WASHC5: variants seen among roughly 807,000 people sequenced by gnomAD.
WASHC5 encodes the protein WASH complex subunit strumpellin.
Under a neutral mutation model 150.4 loss-of-function variants are expected in WASHC5, and 101 were observed. The observed-to-expected ratio is 0.67, with a 90% confidence interval of 0.57 to 0.79. WASHC5 has a LOEUF of 0.79. WASHC5 is among the 30% of genes least tolerant of loss of function. The pLI is 0.00. For missense variants in WASHC5, 1,195 were observed against 1,396.3 expected (o/e 0.86, Z 2.30); for synonymous variants, 467 against 491.2 (o/e 0.95, Z 0.65).
intron 28 of WASHC5, among the ~76,000 whole-genome samples, chr8:125,025,750 T>A (rs1365046252): frequency 6.6e-6 from 1 of 151,990 alleles, no homozygotes; most frequent in Admixed American, 6.6e-5. Flanking sequence ...AAAAAAATAT[T>A]TTTTTAATCT....
chr8:125,090,556 G>A (rs1817576853), intron 1 of WASHC5, among the ~76,000 whole-genome samples: 1 of 152,158 alleles, frequency 6.6e-6, no homozygotes. Flanking sequence ...TCTTTTACAA[G>A]TGCCGGTAAC....
rs1816419115 is a variant in WASHC5 at position 125,056,772 on chromosome 8, T to C, written c.1921A>G (p.Ile641Val). The change falls in exon 16 of 29, where the codon ATC becomes GTC. Residue 641 changes from isoleucine (I) to valine (V), a missense_variant. By Grantham distance (29) the Ile-to-Val change is conservative. This residue lies in a region of WASHC5 where 997 missense variants were observed against 1,168.1 expected (regional missense o/e 0.85). Coordinates refer to ENST00000318410, the MANE Select transcript of WASHC5 (RefSeq NM_014846.4). ...ATGTCGTGGGTCTGAAGCTTTATGA[T>C]CTTTAGAAGAGATGTAAACATGCTT... The part of the protein sequence containing the change: ...PESMFTSLLK[I>V]IKLQTHDIIE... 2 of 1,614,008 alleles carry C rather than the reference T, an allele frequency of 1.2e-6. No individual in the cohort carries two copies. The highest frequency in any genetic ancestry group is 1.7e-6 in the Non-Finnish European group (2 of 1,179,978).
In WASHC5 at chr8:125,052,798, G is replaced by A. The variant is rs112625620; in HGVS notation, c.2098-2133C>T. ...ACTGATGATGGATGTTTAGATTACA[G>A]ATGCTCCTTGACTTAAGATGGGGTT... On this transcript the variant is annotated intron_variant, in intron 17 of 28. Coordinates refer to ENST00000318410, the MANE Select transcript of WASHC5 (RefSeq NM_014846.4). Among the ~76,000 whole-genome samples the A allele has an allele frequency of 8.7e-3, 1,319 of 152,226 alleles. 18 individuals carry two copies. Among genetic ancestry groups the A allele is most frequent in the African/African-American group, 0.03 (1,240 of 41,528 alleles).
At chr8:125,077,111 C>T (rs750430847) in intron 6 of WASHC5, among the ~76,000 whole-genome samples, 3 of 152,218 alleles carry the variant, frequency 2.0e-5, no homozygotes, top group Admixed American at 6.5e-5. Flanking sequence ...GGGGTTCATC[C>T]CCTCACGTAC....
intron 6 of WASHC5, among the ~76,000 whole-genome samples, chr8:125,078,504 GA>G (rs1817129639): frequency 6.6e-6 from 1 of 152,190 alleles, no homozygotes; most frequent in South Asian, 2.1e-4. Flanking sequence ...ATGACTAAAA[GA>G]ATGCATCTTC....
At chr8:125,082,319 G>GA (rs879524652) in intron 4 of WASHC5, 64 bp downstream of exon 4, 48 of 949,072 alleles carry the variant, frequency 5.1e-5, no homozygotes, top group Middle Eastern at 3.1e-4. Context: ...TGACTTAAAA[G>GA]AAAAAAAAGT....
intron 23 of WASHC5, among the ~76,000 whole-genome samples, chr8:125,043,000 A>T (rs1815941261): frequency 6.6e-6 from 1 of 152,234 alleles, no homozygotes; most frequent in South Asian, 2.1e-4. Context: ...TTCCCTTAGC[A>T]TTCTAGAATT....
intron 3 of WASHC5, chr8:125,082,875 A>G (rs1327509194): frequency 2.4e-6 from 1 of 419,718 alleles, no homozygotes; most frequent in African/African-American, 2.0e-5. Flanking sequence ...CAGGATTGGA[A>G]ACTATATGAC....
In WASHC5 at chr8:125,083,226, A is replaced by G. The variant is rs1817323429; in HGVS notation, c.219T>C (p.Ala73=). The part of the protein sequence containing the change: ...GPELWESKLD[A]KPELQDLDEE... ...CATCTAAATCCTGTAGCTCTGGCTT[A>G]GCATCCAGTTTGCTTTCCCATAATT... is the stretch of plus-strand genomic sequence containing the variant. Residue 73 remains alanine (A), a synonymous_variant, in exon 3 of 29, where the codon GCT becomes GCC. Transcript: ENST00000318410. The G allele has an allele frequency of 6.2e-7, 1 of 1,613,242 alleles. No individual in the cohort carries two copies. The highest frequency in any genetic ancestry group is 8.5e-7 in the Non-Finnish European group (1 of 1,179,406).
intron 19 of WASHC5, among the ~76,000 whole-genome samples, chr8:125,048,527 A>G (rs1165951579): frequency 6.6e-6 from 1 of 152,256 alleles, no homozygotes; most frequent in East Asian, 1.9e-4. Flanking sequence ...TAATTTTAAA[A>G]AATTGAAAAT....
intron 1 of WASHC5, among the ~76,000 whole-genome samples, chr8:125,086,895 C>T (rs1045196747): frequency 3.9e-5 from 6 of 152,164 alleles, no homozygotes; most frequent in African/African-American, 1.2e-4. Context: ...ACTGAAGTGC[C>T]GACGTGTGAC....
intron 20 of WASHC5, 117 bp downstream of exon 20, chr8:125,047,088 AAT>A: frequency 8.0e-7 from 1 of 1,248,010 alleles, no homozygotes; most frequent in South Asian, 1.2e-5. Flanking sequence ...AAAGGGTCAG[AAT>A]ATGAGTTGAC....
chr8:125,032,501 G>A (rs1815571602), intron 26 of WASHC5, 107 bp from the exon 27 acceptor site: 5 of 1,239,150 alleles, frequency 4.0e-6, no homozygotes, highest in Non-Finnish European at 5.9e-6. Flanking sequence ...TATTCTCGCT[G>A]GCAGATGATA....
intron 14 of WASHC5, 116 bp from the exon 15 acceptor site, chr8:125,057,782 T>C (rs2130090638): frequency 3.0e-6 from 2 of 659,458 alleles, no homozygotes; most frequent in Non-Finnish European, 5.1e-6. Flanking sequence ...CAGAGGGCAT[T>C]AATAGTTTCT....
chr8:125,055,758 A>G, intron 16 of WASHC5, 87 bp from the exon 17 acceptor site: 1 of 856,798 alleles, frequency 1.2e-6, no homozygotes, highest in Non-Finnish European at 2.0e-6. Context: ...TTGTAGCTTT[A>G]GGACACCTGT....
intron 1 of WASHC5, among the ~76,000 whole-genome samples, chr8:125,087,456 C>T (rs1286875607): frequency 3.3e-5 from 5 of 152,134 alleles, no homozygotes; most frequent in Admixed American, 2.6e-4. Context: ...GGCCTGGCAA[C>T]GGTGGCTCAC....
At chr8:125,049,819 A>G (rs1381813393) in intron 18 of WASHC5, among the ~76,000 whole-genome samples, 4 of 152,028 alleles carry the variant, frequency 2.6e-5, no homozygotes, top group African/African-American at 7.3e-5. Context: ...CCAGCCTGGG[A>G]GACAGAGCAA....
In WASHC5 at chr8:125,056,770, G is replaced by A; in HGVS notation, c.1923C>T (p.Ile641=). Residue 641 remains isoleucine (I), a synonymous_variant, in exon 16 of 29, where the codon ATC becomes ATT. Transcript: ENST00000318410. ...PESMFTSLLK[I]IKLQTHDIIE... Reference sequence around the variant, plus strand: ...TAATGTCGTGGGTCTGAAGCTTTATGATCTTTAGAAGAGATGTAAACATGC... The same window carrying A: ...TAATGTCGTGGGTCTGAAGCTTTATAATCTTTAGAAGAGATGTAAACATGC... 6.2e-7 allele frequency: 1 copy of A among 1,614,086 alleles called. No homozygotes were observed. Among genetic ancestry groups the A allele is most frequent in the Non-Finnish European group, 8.5e-7 (1 of 1,179,958 alleles).
chr8:125,055,402 A>G (rs1027908231), intron 17 of WASHC5, among the ~76,000 whole-genome samples, 189 bp downstream of exon 17: 9 of 147,128 alleles, frequency 6.1e-5, no homozygotes, highest in Non-Finnish European at 1.2e-4. Flanking sequence ...CAGCCTGGGC[A>G]ACAGAGAGAG....
Sources: allele counts gnomAD v4.1 joint callset (sites outside exome capture counted in the v4.1 genomes callset), GRCh38; gene constraint gnomAD v4.1.1; regional missense constraint gnomAD v4.1.1; transcripts MANE v1.5; gene names NCBI Gene and HGNC (gene_info 2026-07-23, HGNC 2026-07-21).